Variants in UCP2 observed in about 807,000 individuals in gnomAD.
UCP2 encodes the protein dicarboxylate carrier SLC25A8.
A neutral mutation model predicts 31.3 loss-of-function variants in UCP2; 27 were observed. That is an observed-to-expected ratio of 0.86 (90% CI 0.64 to 1.19). UCP2 has a LOEUF of 1.19. Ranked by LOEUF, UCP2 falls within the 50% of genes most tolerant of loss-of-function variation. UCP2 has a pLI of 0.00. For missense variants in UCP2, 377 were observed against 413.5 expected (o/e 0.91, Z 0.76); for synonymous variants, 142 against 157.4 (o/e 0.90, Z 0.73).
At position 73,976,528 on chromosome 11, in the gene UCP2, G is replaced by A. The variant is rs1951347787; in HGVS notation, c.634+113C>T. On this transcript the variant is annotated intron_variant, in intron 6 of 7. Transcript: ENST00000663595. The stretch of plus-strand genomic sequence containing the variant: ...AAGTAAGAGATATCTTACTCTCCCT[G>A]CAAAGGGCAAATAGGATGAAAAGAT... 4 of 884,378 alleles carry A rather than the reference G, an allele frequency of 4.5e-6. No homozygotes were observed. The Admixed American group carries it at 8.0e-5, about 18-fold the overall frequency. 54.8% of individuals were successfully genotyped at this position (884,378 alleles called of 1,614,324 possible).
chr11:73,983,197 G>C (rs1488680976), upstream of UCP2: 2 of 152,358 alleles, frequency 1.3e-5, no homozygotes, highest in Non-Finnish European at 2.9e-5. Flanking sequence ...AGCCAGGACG[G>C]TTTCTAACAG....
intron 1 of UCP2, among the ~76,000 whole-genome samples, chr11:73,982,223 G>A (rs1227964801): frequency 6.6e-6 from 1 of 152,364 alleles, no homozygotes; most frequent in South Asian, 2.1e-4. Context: ...ACAGCCAACT[G>A]AACGGGAGAG....
Position 73,976,819 on chromosome 11 carries a change from A to C in UCP2, c.532+4T>G, listed in dbSNP as rs753022495. 2 of 1,614,188 alleles carry C rather than the reference A, an allele frequency of 1.2e-6. No homozygotes were observed. The highest frequency in any genetic ancestry group is 2.2e-5 in the South Asian group (2 of 91,084). ...AAGGGGAAGGGAAAACAACTGGTAC[A>C]CACCTTTCCAGAGGCCCCGGAACCC... On this transcript the variant is annotated splice_donor_region_variant and intron_variant, in intron 5 of 7. Transcript: ENST00000663595.
chr11:73,975,424 T>C (rs950233983), intron 7 of UCP2, 67 bp downstream of exon 7: 3 of 1,533,688 alleles, frequency 2.0e-6, no homozygotes, highest in Non-Finnish European at 2.6e-6. Context: ...CAGGTGGTTC[T>C]CTCCCACCCA....
intron 7 of UCP2, 86 bp from the exon 8 acceptor site, chr11:73,975,207 T>C: frequency 1.6e-6 from 2 of 1,286,908 alleles, no homozygotes; most frequent in Admixed American, 2.0e-5. Context: ...ACCCAGTTGC[T>C]CTGTCCCAAA....
At position 73,977,048 on chromosome 11, in the gene UCP2, C is replaced by CG. The variant is rs755789271; in HGVS notation, c.338-32dup. On this transcript the variant is annotated intron_variant, in intron 4 of 7. Transcript: ENST00000663595. The stretch of plus-strand genomic sequence containing the variant: ...GGCGAGCCATGGGGTCAGTGGCCAG[C>CG]GGGCTTGCACTCATTTTCTACCTCA... 5 of 1,569,304 alleles carry CG rather than the reference C, an allele frequency of 3.2e-6. No homozygotes were observed. The African/African-American group carries it at 6.8e-5, about 21-fold the overall frequency.
intron 2 of UCP2, 155 bp from the exon 3 acceptor site, chr11:73,978,632 CAGTT>C (rs1230297845): frequency 6.0e-6 from 3 of 495,966 alleles, no homozygotes; most frequent in East Asian, 4.0e-5. Flanking sequence ...GAGAGGCACT[CAGTT>C]AGGTGCTGGT....
intron 7 of UCP2, 76 bp downstream of exon 7, chr11:73,975,415 A>G: frequency 6.7e-7 from 1 of 1,503,570 alleles, no homozygotes; most frequent in Middle Eastern, 2.5e-4. Context: ...ACTCACTTCC[A>G]GGTGGTTCTC....
At chr11:73,975,765 TTA>T in intron 6 of UCP2, 94 bp from the exon 7 acceptor site, 1 of 1,489,372 alleles carries the variant, frequency 6.7e-7, no homozygotes, top group Non-Finnish European at 9.3e-7. Flanking sequence ...TTTCATGATT[TTA>T]AAGAGACAGA....
At position 73,977,032 on chromosome 11, in the gene UCP2, TG is replaced by T. The variant is rs757598518; in HGVS notation, c.338-16del. 1.9e-6 allele frequency: 3 copies of T among 1,590,808 alleles called. No individual in the cohort carries two copies. The highest frequency in any genetic ancestry group is 1.7e-6 in the Non-Finnish European group (2 of 1,165,916). On this transcript the variant is annotated splice_polypyrimidine_tract_variant and intron_variant, in intron 4 of 7. Transcript: ENST00000663595. ...AATGCTGGCATCTGTGGGCGAGCCA[TG>T]GGGTCAGTGGCCAGCGGGCTTGCAC... is the stretch of plus-strand genomic sequence containing the variant.
chr11:73,977,106 A>T, intron 4 of UCP2, 89 bp from the exon 5 acceptor site: 1 of 1,386,266 alleles, frequency 7.2e-7, no homozygotes, highest in Non-Finnish European at 9.7e-7. Flanking sequence ...TGTCACTGTC[A>T]TCTCCTGCTT....
chr11:73,977,188 A>G (rs1951364923), intron 4 of UCP2, 171 bp from the exon 5 acceptor site: 2 of 643,474 alleles, frequency 3.1e-6, no homozygotes, highest in South Asian at 4.4e-5. Context: ...ATCAAACAAA[A>G]TATCCCTATG....
Position 73,977,938 on chromosome 11 carries a change from G to A in UCP2, c.285C>T (p.Val95=), listed in dbSNP as rs747229853. ...GLQRQMSFAS[V]RIGLYDSVKQ... The stretch of plus-strand genomic sequence containing the variant: ...TGACAGAATCATACAGGCCGATGCG[G>A]ACAGAGGCAAAGCTCATTTGGCGCT... The change falls in exon 4 of 8, where the codon GTC becomes GTT. Residue 95 remains valine, a synonymous_variant. Coordinates refer to ENST00000663595, the MANE Select transcript of UCP2 (RefSeq NM_003355.3). 1 of 1,614,226 alleles carries A rather than the reference G, an allele frequency of 6.2e-7. No individual in the cohort carries two copies. The highest frequency in any genetic ancestry group is 1.7e-5 in the Admixed American group (1 of 60,028).
In UCP2 at chr11:73,978,326, A is replaced by G. The variant is rs747409980; in HGVS notation, c.53T>C (p.Leu18Pro). 1.3e-5 allele frequency: 21 copies of G among 1,614,228 alleles called. No individual in the cohort carries two copies. In the East Asian group the frequency reaches 2.5e-4, roughly 19 times the overall value. The change falls in exon 3 of 8, where the codon CTT (leucine) becomes CCT (proline). Residue 18 changes from leucine (L) to proline (P), a missense_variant. Leu to Pro is a moderately conservative substitution (Grantham distance 98). Transcript: ENST00000663595. ...DVPPTATVKFLGAGTAACIAD... is the reference protein window; with the variant it reads ...DVPPTATVKFPGAGTAACIAD... ...GATGCAGGCAGCTGTGCCAGCCCCA[A>G]GAAACTTCACAGTGGCAGTAGGGGG...
chr11:73,975,078 TCAC>T lies in UCP2; in HGVS notation c.856_858del (p.Val286del), dbSNP rs369129525. 3 of 1,613,644 alleles carry T rather than the reference TCAC, an allele frequency of 1.9e-6. No individual in the cohort carries two copies. The highest frequency in any genetic ancestry group is 2.2e-5 in the East Asian group (1 of 44,848). On this transcript the variant is annotated inframe_deletion, in exon 8 of 8. Coordinates refer to ENST00000663595, the MANE Select transcript of UCP2 (RefSeq NM_003355.3). ...TTCAGCTGCTCATAGGTGACGAACA[TCAC>T]CACGTTCCAGGAACCCAAGCGGAGA...
rs1565182787 is a variant in UCP2 at position 73,974,917 on chromosome 11, G to A, written c.*90C>T. 6.6e-6 allele frequency: 5 copies of A among 757,980 alleles called. No homozygotes were observed. The highest frequency in any genetic ancestry group is 1.0e-5 in the Non-Finnish European group (5 of 485,546). 47.0% of individuals were successfully genotyped at this position (757,980 alleles called of 1,614,324 possible). A position where few individuals can be genotyped will look rare whatever the true frequency, so the allele number is the denominator to read the frequency against. On this transcript the variant is annotated 3_prime_UTR_variant, in exon 8 of 8. Transcript: ENST00000663595. ...GTGGGGAAAGAGGGAAGGAGAGAAG[G>A]GAAGGAGGGAAGAGAAAGAAGGAAG... is the stretch of plus-strand genomic sequence containing the variant.
intron 7 of UCP2, 24 bp from the exon 8 acceptor site, chr11:73,975,145 A>T (rs1591218352): frequency 1.3e-6 from 2 of 1,588,394 alleles, no homozygotes; most frequent in East Asian, 4.6e-5. Context: ...ATCACAGGTC[A>T]TGGGGGCACC....
At chr11:73,982,016 G>A (rs1951464759) in intron 1 of UCP2, among the ~76,000 whole-genome samples, 1 of 152,146 alleles carries the variant, frequency 6.6e-6, no homozygotes, top group African/African-American at 2.4e-5. Flanking sequence ...CTGGGAGCCG[G>A]CCCTGCAGAG....
chr11:73,978,087 C>T lies in UCP2; in HGVS notation c.136G>A (p.Glu46Lys), dbSNP rs769318274. 1 of 1,614,088 alleles carries T rather than the reference C, an allele frequency of 6.2e-7. No homozygotes were observed. Among genetic ancestry groups the T allele is most frequent in the Non-Finnish European group, 8.5e-7 (1 of 1,179,996 alleles). ...GTAGCGCGCACTGGCCCCTGACTTT[C>T]TCCTTGGATCTGCAAGGCCAAGACA... ...TAKVRLQIQGESQGPVRATAS... is the reference protein window; with the variant it reads ...TAKVRLQIQGKSQGPVRATAS... Residue 46 changes from glutamate (E) to lysine (K), a missense_variant, in exon 4 of 8, where the codon GAA becomes AAA. Physicochemically the swap from Glu to Lys is moderately conservative, Grantham distance 56. Transcript: ENST00000663595.
Sources: allele counts gnomAD v4.1 joint callset (sites outside exome capture counted in the v4.1 genomes callset), GRCh38; gene constraint gnomAD v4.1.1; transcripts MANE v1.5; gene names NCBI Gene and HGNC (gene_info 2026-07-23, HGNC 2026-07-21).